Variants in FNDC7 observed in about 807,000 individuals in gnomAD.
FNDC7 encodes fibronectin type III domain-containing protein 7.
In FNDC7, 66 loss-of-function variants were observed where a neutral mutation model predicts 74.2. The observed-to-expected ratio is 0.89, with a 90% CI of 0.73 to 1.09. The LOEUF is 1.09. Ranked by LOEUF, FNDC7 falls within the 50% of genes least tolerant of loss-of-function variation. FNDC7 has a pLI of 0.00. For missense variants in FNDC7, 829 were observed against 893.4 expected (o/e 0.93, Z 0.92); for synonymous variants, 307 against 330.2 (o/e 0.93, Z 0.76).
rs889439904 is a variant in FNDC7, at chr1:108,718,096, G to A, written c.337+65G>A. 3.9e-6 allele frequency: 6 copies of A among 1,525,954 alleles called. No homozygotes were observed. The African/African-American group carries it at 6.9e-5, about 18-fold the overall frequency. The allele number at this position is 1,525,954 out of a possible 1,614,324, so 94.5% of individuals were successfully genotyped here. ...TGTGACTTGGATCAGTTATCCTGGT[G>A]CTGCAAATGCAGAATGTGATTTGGT... On this transcript the variant is annotated intron_variant, in intron 3 of 12. Coordinates refer to ENST00000370017, the MANE Select transcript of FNDC7 (RefSeq NM_001144937.3).
Position 108,722,611 on chromosome 1 carries a change from G to T in FNDC7, c.856+19G>T, listed in dbSNP as rs1381027828. ...AAAACTGGTATGTAAACAAGAGTGAGACTGCTGTCGGGCTTGCAGCCCTGA... is the reference window on the plus strand; with the variant it reads ...AAAACTGGTATGTAAACAAGAGTGATACTGCTGTCGGGCTTGCAGCCCTGA... On this transcript the variant is annotated intron_variant, in intron 5 of 12. Coordinates refer to ENST00000370017, the MANE Select transcript of FNDC7 (RefSeq NM_001144937.3). The T allele has an allele frequency of 6.3e-7, 1 of 1,598,640 alleles. No homozygotes were observed. Among genetic ancestry groups the T allele is most frequent in the African/African-American group, 1.3e-5 (1 of 74,762 alleles).
Position 108,728,066 on chromosome 1 carries a change from G to T in FNDC7, c.1369+1G>T, listed in dbSNP as rs1426017575. 2 of 1,611,840 alleles carry T rather than the reference G, an allele frequency of 1.2e-6. No homozygotes were observed. The highest frequency in any genetic ancestry group is 1.7e-6 in the Non-Finnish European group (2 of 1,178,634). On this transcript the variant is annotated splice_donor_variant, in intron 7 of 12. Coordinates refer to ENST00000370017, the MANE Select transcript of FNDC7 (RefSeq NM_001144937.3). LOFTEE classifies it high-confidence loss of function. ...TGTACTCCCCAGTTCATAACCACAG[G>T]TAAGGCACAGCTATCATTCCACTCA...
At chr1:108,713,702 T>G (rs1660919532) in intron 2 of FNDC7, among the ~76,000 whole-genome samples, 173 bp downstream of exon 2, 1 of 152,228 alleles carries the variant, frequency 6.6e-6, no homozygotes. Context: ...AGACAATAAC[T>G]GGTAAGACAA....
intron 10 of FNDC7, among the ~76,000 whole-genome samples, chr1:108,735,434 T>C (rs1255741366): frequency 6.6e-6 from 1 of 152,202 alleles, no homozygotes; most frequent in Non-Finnish European, 1.5e-5. Context: ...CATTCAATCC[T>C]CTGGGCATGG....
intron 11 of FNDC7, among the ~76,000 whole-genome samples, 155 bp from the exon 12 acceptor site, chr1:108,741,618 C>T (rs1661649224): frequency 6.6e-6 from 1 of 152,310 alleles, no homozygotes; most frequent in East Asian, 1.9e-4. Flanking sequence ...AACACTTTGT[C>T]AGTTGTCATA....
At chr1:108,736,797 G>C (rs894739815) in intron 10 of FNDC7, among the ~76,000 whole-genome samples, 4 of 151,998 alleles carry the variant, frequency 2.6e-5, no homozygotes, top group Non-Finnish European at 5.9e-5. Flanking sequence ...GATGTTTTTT[G>C]GTTTTGTTTG....
chr1:108,726,850 G>C (rs950195233), intron 6 of FNDC7, among the ~76,000 whole-genome samples: 4 of 152,180 alleles, frequency 2.6e-5, no homozygotes, highest in Non-Finnish European at 5.9e-5. Context: ...TAAATCATTG[G>C]TGCCTTTGGA....
intron 8 of FNDC7, among the ~76,000 whole-genome samples, chr1:108,729,575 T>C (rs578177056): frequency 6.6e-6 from 1 of 152,176 alleles, no homozygotes; most frequent in Admixed American, 6.5e-5. Context: ...GCTTTCTGAC[T>C]TTCAATTTCC....
At chr1:108,726,103 T>TC in intron 6 of FNDC7, 99 bp downstream of exon 6, 6 of 1,417,660 alleles carry the variant, frequency 4.2e-6, no homozygotes, top group Non-Finnish European at 5.8e-6. Context: ...CACCTGGGAG[T>TC]CATTCTAGAG....
intron 10 of FNDC7, 23 bp downstream of exon 10, chr1:108,733,555 A>G (rs1266088826): frequency 6.2e-7 from 1 of 1,605,540 alleles, no homozygotes; most frequent in Non-Finnish European, 8.5e-7. Context: ...ATGACAGTTT[A>G]TCTAAAACTA....
Position 108,727,878 on chromosome 1 carries a change from T to C in FNDC7, c.1182T>C (p.Pro394=), listed in dbSNP as rs771593405. The change falls in exon 7 of 13, where the codon CCT becomes CCC. Residue 394 remains proline (P), a synonymous_variant. Coordinates refer to ENST00000370017, the MANE Select transcript of FNDC7 (RefSeq NM_001144937.3). ...ACAGAGTTGAGATTGTCTGGTCTCC[T>C]GTCCGTGGTGCCGAACTGTATGAAA... ...SSDRVEIVWS[P]VRGAELYETK... is the part of the protein sequence containing the mutation. 6.2e-7 allele frequency: 1 copy of C among 1,614,198 alleles called. No homozygotes were observed. Among genetic ancestry groups the C allele is most frequent in the Non-Finnish European group, 8.5e-7 (1 of 1,180,056 alleles).
intron 2 of FNDC7, among the ~76,000 whole-genome samples, chr1:108,714,504 C>T (rs1660932290): frequency 6.6e-6 from 1 of 152,120 alleles, no homozygotes; most frequent in Non-Finnish European, 1.5e-5. Flanking sequence ...AGCAACACCC[C>T]ACCTCTTGCT....
Position 108,730,674 on chromosome 1 carries a change from T to C in FNDC7, c.1625T>C (p.Val542Ala), listed in dbSNP as rs1179883631. 1 of 1,538,492 alleles carries C rather than the reference T, an allele frequency of 6.5e-7. No homozygotes were observed. Among genetic ancestry groups the C allele is most frequent in the Non-Finnish European group, 8.8e-7 (1 of 1,139,706 alleles). Residue 542 changes from valine to alanine, a missense_variant and splice_region_variant, in exon 9 of 13, where the codon GTG (valine) becomes GCG (alanine). By Grantham distance (64) the Val-to-Ala change is moderately conservative (BLOSUM62 0). Coordinates refer to ENST00000370017, the MANE Select transcript of FNDC7 (RefSeq NM_001144937.3). ...TTCTTTTTCTTTTATCCCATTTAAG[T>C]GCCATGCTGTCCAACCGGTCTGACA... ...LPSYSVPLET[V>A]PCCPTGLTVT...
chr1:108,717,471 C>A (rs1236976334), intron 2 of FNDC7, among the ~76,000 whole-genome samples: 1 of 152,136 alleles, frequency 6.6e-6, no homozygotes, highest in African/African-American at 2.4e-5. Context: ...TCCCAGAGTT[C>A]TTTCCCGTAA....
chr1:108,737,052 C>G (rs1380639887), intron 10 of FNDC7, among the ~76,000 whole-genome samples: 4 of 145,518 alleles, frequency 2.7e-5, no homozygotes, highest in Non-Finnish European at 3.0e-5. Flanking sequence ...ACTGCAAACT[C>G]CGCTCCCCAG....
At chr1:108,714,893 G>T (rs149271354) in intron 2 of FNDC7, among the ~76,000 whole-genome samples, 2 of 151,874 alleles carry the variant, frequency 1.3e-5, no homozygotes. Flanking sequence ...GCGCCCGGCC[G>T]GCTTCTTAAA....
chr1:108,722,281 C>T, intron 4 of FNDC7, 54 bp from the exon 5 acceptor site: 1 of 1,473,724 alleles, frequency 6.8e-7, no homozygotes, highest in East Asian at 2.4e-5. Flanking sequence ...TATGCCAACT[C>T]TTACGTAGTT....
chr1:108,719,313 CA>C (rs1242904720), intron 4 of FNDC7, among the ~76,000 whole-genome samples: 2 of 152,234 alleles, frequency 1.3e-5, no homozygotes, highest in Non-Finnish European at 2.9e-5. Flanking sequence ...TCAGCATTCA[CA>C]TTCGACCTCA....
At position 108,728,060 on chromosome 1, in the gene FNDC7, C is replaced by T; in HGVS notation, c.1364C>T (p.Thr455Ile). The T allele has an allele frequency of 6.2e-7, 1 of 1,612,990 alleles. No homozygotes were observed. Among genetic ancestry groups the T allele is most frequent in the African/African-American group, 1.3e-5 (1 of 75,032 alleles). ...SNMSCTPQFI[T>I]TAPCSPEIKN... is the part of the protein sequence containing the mutation. The stretch of plus-strand genomic sequence containing the variant: ...ATGTCATGTACTCCCCAGTTCATAA[C>T]CACAGGTAAGGCACAGCTATCATTC... Residue 455 changes from threonine (T) to isoleucine (I), a missense_variant, in exon 7 of 13, where the codon ACC becomes ATC. Thr to Ile is a moderately conservative substitution (Grantham distance 89, BLOSUM62 -1). Transcript: ENST00000370017.
Sources: allele counts gnomAD v4.1 joint callset (sites outside exome capture counted in the v4.1 genomes callset), GRCh38; gene constraint gnomAD v4.1.1; transcripts MANE v1.5; gene names NCBI Gene and HGNC (gene_info 2026-07-23, HGNC 2026-07-21).